Variants in FGF13 observed in about 807,000 individuals in gnomAD.
FGF13 encodes fibroblast growth factor homologous factor 2.
FGF13 carries 2 observed loss-of-function variants against 19.5 expected under a neutral mutation model. The observed-to-expected ratio is 0.10, with a 90% confidence interval of 0.04 to 0.32. The LOEUF (loss-of-function observed/expected upper bound fraction) is 0.32, where lower values mean the gene tolerates loss of function less well. Ranked by LOEUF, FGF13 falls within the 10% of genes least tolerant of loss-of-function variation. The pLI is 1.00. For missense variants in FGF13, 113 were observed against 192.7 expected, an observed-to-expected ratio of 0.59 and a Z score of 2.45; for synonymous variants, 72 against 76.9, an observed-to-expected ratio of 0.94 and a Z score of 0.33.
chrX:139,049,942 T>A (rs2092299096), intron 1 of FGF13, among the ~76,000 whole-genome samples: 1 of 112,321 alleles, frequency 8.9e-6, no homozygotes, highest in Non-Finnish European at 1.9e-5. Flanking sequence ...TTCCTAGATG[T>A]CAATGACAGT....
chrX:138,850,009 C>T (rs1183299952), intron 3 of FGF13, among the ~76,000 whole-genome samples: 1 of 111,231 alleles, frequency 9.0e-6, no homozygotes, highest in Non-Finnish European at 1.9e-5. Flanking sequence ...CTAAGGAAGA[C>T]TTCAGCCAAG....
chrX:138,776,026 T>C (rs2090584998), intron 3 of FGF13, among the ~76,000 whole-genome samples: 1 of 112,586 alleles, frequency 8.9e-6, no homozygotes, highest in South Asian at 3.6e-4. Context: ...GCAAAATGTA[T>C]GCTAAGGCTG....
chrX:138,653,337 G>A (rs1393314944), intron 3 of FGF13, among the ~76,000 whole-genome samples: 1 of 111,161 alleles, frequency 9.0e-6, no homozygotes, highest in Non-Finnish European at 1.9e-5. Flanking sequence ...TCAGTGCCAC[G>A]CTTCCAATGT....
intron 1 of FGF13, among the ~76,000 whole-genome samples, chrX:139,100,041 AACACACACACACACAC>A (rs56821859): frequency 3.8e-4 from 29 of 76,413 alleles, no homozygotes; most frequent in African/African-American, 9.6e-4. Context: ...GGGGAAAGCA[AACACACACACACACAC>A]ACACACACAC....
intron 1 of FGF13, among the ~76,000 whole-genome samples, chrX:139,086,273 G>A (rs748306164): frequency 1.8e-5 from 2 of 111,509 alleles, no homozygotes; most frequent in East Asian, 5.6e-4. Context: ...AGTAAGCACA[G>A]GCAGGCACCT....
intron 1 of FGF13, among the ~76,000 whole-genome samples, chrX:139,169,097 T>C (rs1289364341): frequency 2.7e-5 from 3 of 111,741 alleles, no homozygotes; most frequent in Non-Finnish European, 5.6e-5. Flanking sequence ...CAACAGGAGG[T>C]ACTAGTATCA....
chrX:139,186,289 A>T (rs915038810), intron 1 of FGF13, among the ~76,000 whole-genome samples: 1 of 111,914 alleles, frequency 8.9e-6, no homozygotes, highest in Non-Finnish European at 1.9e-5. Flanking sequence ...TGGATCCCAG[A>T]AACATAAGAG....
intron 1 of FGF13, among the ~76,000 whole-genome samples, chrX:138,938,210 A>G (rs2091741362): frequency 1.8e-5 from 2 of 111,802 alleles, no homozygotes; most frequent in Admixed American, 1.9e-4. Flanking sequence ...GGATGGTGCT[A>G]GGAGACCAAA....
chrX:138,853,353 T>C (rs954773454), downstream of FGF13, among the ~76,000 whole-genome samples: 1 of 111,666 alleles, frequency 9.0e-6, no homozygotes, highest in Non-Finnish European at 1.9e-5. Context: ...ATCATTAAGG[T>C]AAGACTGATA....
intron 3 of FGF13, among the ~76,000 whole-genome samples, chrX:138,818,427 G>A (rs1483321641): frequency 5.6e-5 from 6 of 106,370 alleles, no homozygotes; most frequent in African/African-American, 1.0e-4. Flanking sequence ...ATTGGTCCTG[G>A]CACCTCCTAA....
At chrX:138,757,014 T>C (rs1340332098) in intron 3 of FGF13, among the ~76,000 whole-genome samples, 1 of 111,391 alleles carries the variant, frequency 9.0e-6, no homozygotes, top group East Asian at 2.9e-4. Flanking sequence ...TGGTGCATAG[T>C]GACAAGGGAC....
intron 1 of FGF13, among the ~76,000 whole-genome samples, chrX:138,728,123 A>G (rs932517684): frequency 4.5e-5 from 5 of 111,480 alleles, no homozygotes; most frequent in Admixed American, 3.8e-4. Flanking sequence ...CCTTTTATGA[A>G]CCATAAGCCA....
At chrX:138,815,680 C>T (rs1383919676) in intron 3 of FGF13, among the ~76,000 whole-genome samples, 1 of 110,129 alleles carries the variant, frequency 9.1e-6, no homozygotes, top group African/African-American at 3.3e-5. Flanking sequence ...GGAAAAGATA[C>T]ATTACATCCA....
intron 3 of FGF13, among the ~76,000 whole-genome samples, chrX:138,792,956 A>T (rs752796816): frequency 9.0e-6 from 1 of 111,665 alleles, no homozygotes; most frequent in Non-Finnish European, 1.9e-5. Context: ...TTGAGATAAG[A>T]TTATATTGGA....
intron 1 of FGF13, among the ~76,000 whole-genome samples, chrX:139,125,761 A>G (rs2083710812): frequency 9.0e-6 from 1 of 111,607 alleles, no homozygotes; most frequent in African/African-American, 3.3e-5. Context: ...GCTACAGCAG[A>G]GCCAAGGCCT....
chrX:138,963,148 G>T (rs1316164052), intron 1 of FGF13, among the ~76,000 whole-genome samples: 1 of 112,464 alleles, frequency 8.9e-6, no homozygotes, highest in Non-Finnish European at 1.9e-5. Context: ...ACTCTTTCAG[G>T]TTCCTAGAGT....
chrX:139,065,080 T>C (rs1390360212), intron 1 of FGF13, among the ~76,000 whole-genome samples: 3 of 111,017 alleles, frequency 2.7e-5, no homozygotes, highest in Non-Finnish European at 5.7e-5. Flanking sequence ...TCTAACTTTT[T>C]TTCAAGGTTG....
chrX:138,988,933 T>C (rs1162017929), intron 1 of FGF13, among the ~76,000 whole-genome samples: 4 of 111,780 alleles, frequency 3.6e-5, no homozygotes, highest in Non-Finnish European at 5.6e-5. Flanking sequence ...ATCCTGAAGA[T>C]TGCTGAGAAC....
At chrX:139,145,782 C>T (rs1287386488) in intron 1 of FGF13, among the ~76,000 whole-genome samples, 1 of 111,422 alleles carries the variant, frequency 9.0e-6, no homozygotes, top group Non-Finnish European at 1.9e-5. Context: ...ACACCCTCTT[C>T]CAGGAAAATT....
Sources: allele counts gnomAD v4.1 joint callset (sites outside exome capture counted in the v4.1 genomes callset), GRCh38; gene constraint gnomAD v4.1.1; transcripts MANE v1.5; gene names NCBI Gene and HGNC (gene_info 2026-07-23, HGNC 2026-07-21).